The following CAPN12 variants were observed in gnomAD, a reference collection of about 807,000 sequenced individuals.
CAPN12 encodes the protein calpain-12.
A neutral mutation model predicts 95.0 loss-of-function variants in CAPN12; 107 were observed. The ratio of observed to expected loss-of-function variants is 1.13; its 90% CI spans 0.96 to 1.32. CAPN12 has a LOEUF of 1.32. CAPN12 is among the 40% of genes most tolerant of loss of function. The pLI, the probability that CAPN12 is intolerant of heterozygous loss-of-function variation, is 0.00. For synonymous variants in CAPN12, 505 were observed against 415.5 expected (o/e 1.22, Z -2.62); for missense variants, 1,136 against 997.8 (o/e 1.14, Z -1.87).
rs1703841393 is a variant in CAPN12, at chr19:38,742,415, A to G, written c.421T>C (p.Phe141Leu). The change falls in exon 3 of 21, where the codon TTC becomes CTC. Residue 141 changes from phenylalanine to leucine, a missense_variant. By Grantham distance (22) the Phe-to-Leu change is conservative. Transcript: ENST00000328867. ...GCAGAGGAACTGAGCTGTACCTGGAAGTGGAAGACGCCTGCGTAGCCATGC... is the reference window on the plus strand; with the variant it reads ...GCAGAGGAACTGAGCTGTACCTGGAGGTGGAAGACGCCTGCGTAGCCATGC... Reference protein sequence around the residue: ...FQHGYAGVFHFQLWQFGRWMD... With the variant: ...FQHGYAGVFHLQLWQFGRWMD... The G allele has an allele frequency of 4.3e-6, 7 of 1,610,856 alleles. No individual in the cohort carries two copies. The highest frequency in any genetic ancestry group is 5.9e-6 in the Non-Finnish European group (7 of 1,177,200).
In CAPN12 at chr19:38,737,567, C is replaced by G. The variant is rs750651426; in HGVS notation, c.1037G>C (p.Gly346Ala). The stretch of plus-strand genomic sequence containing the variant: ...CCAGCCGCCCCCCTCCGGGCTGGGG[C>G]CCAGCACCTCCGGGCTCAGCGAGCA... ...QICSLSPEVL[G>A]PSPEGGGWHV... Residue 346 changes from glycine (G) to alanine (A), a missense_variant, in exon 9 of 21, where the codon GGC becomes GCC. By Grantham distance (60) the Gly-to-Ala change is moderately conservative (BLOSUM62 0). Coordinates refer to ENST00000328867, the MANE Select transcript of CAPN12 (RefSeq NM_144691.4). 1.9e-6 allele frequency: 3 copies of G among 1,612,206 alleles called. No individual in the cohort carries two copies. Among genetic ancestry groups the G allele is most frequent in the Non-Finnish European group, 2.5e-6 (3 of 1,179,816 alleles).
At position 38,737,399 on chromosome 19, in the gene CAPN12, A is replaced by AG. The variant is rs750874318; in HGVS notation, c.1130-12dup. Reference sequence around the variant, plus strand: ...TGGTCCAGAAGGTTTCTAAGGGAGGAGGAAAAAAGGGGGTTTCCTAGCCGG... The same window carrying AG: ...TGGTCCAGAAGGTTTCTAAGGGAGGAGGGAAAAAAGGGGGTTTCCTAGCCGG... On this transcript the variant is annotated splice_polypyrimidine_tract_variant and intron_variant, in intron 9 of 20. Transcript: ENST00000328867. 2 of 1,608,596 alleles carry AG rather than the reference A, an allele frequency of 1.2e-6. No homozygotes were observed. The highest frequency in any genetic ancestry group is 1.7e-6 in the Non-Finnish European group (2 of 1,178,156).
intron 18 of CAPN12, chr19:38,733,485 T>A: frequency 1.4e-5 from 7 of 518,218 alleles, no homozygotes; most frequent in Admixed American, 3.5e-5. Flanking sequence ...CCCCCTTTCA[T>A]GTCCTCCCCA....
chr19:38,739,561 A>T (rs1057072497), intron 5 of CAPN12: 1 of 152,402 alleles, frequency 6.6e-6, no homozygotes, highest in African/African-American at 2.4e-5. Flanking sequence ...GCAGTAACTC[A>T]GAGGATTTAA....
chr19:38,736,996 C>T, intron 10 of CAPN12, 160 bp downstream of exon 10: 1 of 142,418 alleles, frequency 7.0e-6, no homozygotes, highest in Non-Finnish European at 1.4e-5. Context: ...CTCTTCAGTC[C>T]CACCCCTCCA....
At chr19:38,731,071 TC>T in intron 19 of CAPN12, 35 bp downstream of exon 19, 2 of 1,573,612 alleles carry the variant, frequency 1.3e-6, no homozygotes, top group Non-Finnish European at 1.7e-6. Context: ...CCGTACCCCT[TC>T]CCCCCATGCC....
chr19:38,731,349 C>G (rs111915924), intron 18 of CAPN12, 126 bp from the exon 19 acceptor site: 22 of 720,210 alleles, frequency 3.1e-5, no homozygotes, highest in South Asian at 1.3e-4. Flanking sequence ...CTGCCCCATC[C>G]CGGCAGGGTG....
rs752144053 is a variant in CAPN12 at position 38,738,568 on chromosome 19, A to G, written c.804+6T>C. On this transcript the variant is annotated splice_donor_region_variant and intron_variant, in intron 6 of 20. Coordinates refer to ENST00000328867, the MANE Select transcript of CAPN12 (RefSeq NM_144691.4). Reference sequence around the variant, plus strand: ...GCCTGCCACCCCACCCATGGGGGACACTTACCTTGTGTGTGCCCGTGATGG... The same window carrying G: ...GCCTGCCACCCCACCCATGGGGGACGCTTACCTTGTGTGTGCCCGTGATGG... 2.5e-6 allele frequency: 4 copies of G among 1,613,814 alleles called. No homozygotes were observed. The African/African-American group carries it at 5.3e-5, about 22-fold the overall frequency.
In CAPN12 at chr19:38,730,864, G is replaced by A. The variant is rs1441594194; in HGVS notation, c.2148C>T (p.Ala716=). The A allele has an allele frequency of 6.4e-7, 1 of 1,551,418 alleles. No individual in the cohort carries two copies. Among genetic ancestry groups the A allele is most frequent in the South Asian group, 1.2e-5 (1 of 84,102 alleles). The change falls in exon 21 of 21, where the codon GCC becomes GCT. Residue 716 remains alanine (A), a synonymous_variant. Coordinates refer to ENST00000328867, the MANE Select transcript of CAPN12 (RefSeq NM_144691.4). The part of the protein sequence containing the change: ...CLTHRQWMEV[A]TFS ...CCATCCGGAGATCCTAGGAGAAGGT[G>A]GCCACCTCCATCCACTAAGGAAGAG...
At chr19:38,731,480 A>G in intron 18 of CAPN12, 1 of 538,948 alleles carries the variant, frequency 1.9e-6, no homozygotes, top group Admixed American at 3.1e-5. Context: ...CTGACACGTG[A>G]CTCGATGTGT....
At position 38,738,333 on chromosome 19, in the gene CAPN12, T is replaced by C. The variant is rs1970341152; in HGVS notation, c.905A>G (p.Asp302Gly). The C allele has an allele frequency of 2.5e-6, 4 of 1,611,988 alleles. No homozygotes were observed. The highest frequency in any genetic ancestry group is 3.3e-5 in the Admixed American group (2 of 60,010). ...GAWSDSCPRWDTLPTECRDAL... is the reference protein window; with the variant it reads ...GAWSDSCPRWGTLPTECRDAL... ...ATCGCGGCACTCGGTGGGGAGTGTG[T>C]CCCAGCGTGGGCAGCTGGAGAGACT... Residue 302 changes from aspartate (D) to glycine (G), a missense_variant, in exon 8 of 21, where the codon GAC (aspartate) becomes GGC (glycine). Asp to Gly is a moderately conservative substitution (Grantham distance 94). Transcript: ENST00000328867.
chr19:38,733,889 G>T, intron 17 of CAPN12, 108 bp from the exon 18 acceptor site: 1 of 968,282 alleles, frequency 1.0e-6, no homozygotes, highest in Non-Finnish European at 1.6e-6. Flanking sequence ...CCTTTCTTCT[G>T]GTGTGGACCC....
At chr19:38,738,127 T>C (rs1444908633) in intron 8 of CAPN12, 146 bp downstream of exon 8, 2 of 770,590 alleles carry the variant, frequency 2.6e-6, no homozygotes, top group East Asian at 5.4e-5. Context: ...TTCCTTGATT[T>C]CCCAAAATAG....
intron 10 of CAPN12, 57 bp downstream of exon 10, chr19:38,737,099 G>A: frequency 8.5e-7 from 1 of 1,170,002 alleles, no homozygotes; most frequent in East Asian, 4.5e-5. Context: ...CCTTGGCCCG[G>A]CCCCGCCCCT....
chr19:38,743,093 C>T lies in CAPN12; in HGVS notation c.247G>A (p.Ala83Thr). Residue 83 changes from alanine to threonine, a missense_variant, in exon 2 of 21, where the codon GCT becomes ACT. Transcript: ENST00000328867. ...VKWMRPHEFC[A>T]EPKFICEDMS... ...TCTTCACAGATGAACTTCGGCTCAG[C>T]ACAGAACTCCTGTGGGTGGTGGGGG... is the stretch of plus-strand genomic sequence containing the variant. 6.2e-7 allele frequency: 1 copy of T among 1,614,046 alleles called. No individual in the cohort carries two copies. The highest frequency in any genetic ancestry group is 8.5e-7 in the Non-Finnish European group (1 of 1,179,976).
chr19:38,734,624 A>T, intron 15 of CAPN12, 189 bp downstream of exon 15: 1 of 650,576 alleles, frequency 1.5e-6, no homozygotes, highest in Non-Finnish European at 2.6e-6. Context: ...GGAGCTTGCG[A>T]GCAGCCGTGG....
In CAPN12 at chr19:38,742,430, C is replaced by G; in HGVS notation, c.406G>C (p.Ala136Pro). ...PPGQDFQHGY[A>P]GVFHFQLWQF... ...TGTACCTGGAAGTGGAAGACGCCTG[C>G]GTAGCCATGCTGGAAATCCTGTCCA... The change falls in exon 3 of 21, where the codon GCA becomes CCA. Residue 136 changes from alanine to proline, a missense_variant. Transcript: ENST00000328867. The G allele has an allele frequency of 6.2e-7, 1 of 1,613,698 alleles. No individual in the cohort carries two copies. Among genetic ancestry groups the G allele is most frequent in the Non-Finnish European group, 8.5e-7 (1 of 1,179,706 alleles).
chr19:38,736,582 A>AGGGGCGTC lies in CAPN12; in HGVS notation c.1363-27_1363-20dup, dbSNP rs1555849402. 4 of 1,604,250 alleles carry AGGGGCGTC rather than the reference A, an allele frequency of 2.5e-6. No individual in the cohort carries two copies. Among genetic ancestry groups the AGGGGCGTC allele is most frequent in the East Asian group, 2.3e-5 (1 of 44,284 alleles). The stretch of plus-strand genomic sequence containing the variant: ...CTGGAATCTGAAAGAAGCAAGAGCA[A>AGGGGCGTC]GGGGCGTCGGGGCAGGGGAGAGGTG... On this transcript the variant is annotated intron_variant, in intron 10 of 20. Transcript: ENST00000328867.
intron 11 of CAPN12, 22 bp from the exon 12 acceptor site, chr19:38,736,340 C>G (rs890441443): frequency 6.3e-5 from 92 of 1,455,256 alleles, no homozygotes; most frequent in Non-Finnish European, 7.9e-5. Flanking sequence ...GCGGCATGAC[C>G]ACGGACCAGG....
Sources: gnomAD v4.1 joint callset for allele counts on GRCh38, gnomAD v4.1.1 for gene constraint, MANE v1.5 for transcripts, NCBI Gene and HGNC (gene_info 2026-07-23, HGNC 2026-07-21) for gene names.